The following CSNK1G3 variants were observed in gnomAD, a reference collection of about 807,000 sequenced individuals.
The protein encoded by CSNK1G3 is casein kinase 1 gamma 3.
A neutral mutation model predicts 64.3 loss-of-function variants in CSNK1G3; 23 were observed. The observed-to-expected ratio is 0.36, with a 90% CI of 0.26 to 0.51. The LOEUF is 0.51. Among genes scored for constraint, CSNK1G3 ranks in the 20% least tolerant of loss-of-function variants. The pLI is 0.96. For synonymous variants in CSNK1G3, 158 were observed against 162.2 expected, an observed-to-expected ratio of 0.97 and a Z score of 0.20; for missense variants, 357 against 510.5, an observed-to-expected ratio of 0.70 and a Z score of 2.90.
intron 4 of CSNK1G3, among the ~76,000 whole-genome samples, chr5:123,563,911 T>G (rs758077145): frequency 6.6e-6 from 1 of 152,090 alleles, no homozygotes; most frequent in Non-Finnish European, 1.5e-5. Flanking sequence ...TAGTCAGTAG[T>G]GTAAACTTAA....
At chr5:123,593,221 A>ACACG (rs1427047188) in intron 10 of CSNK1G3, among the ~76,000 whole-genome samples, 1 of 151,606 alleles carries the variant, frequency 6.6e-6, no homozygotes, top group Non-Finnish European at 1.5e-5. Context: ...ACACACACAC[A>ACACG]CACACACATA....
intron 3 of CSNK1G3, among the ~76,000 whole-genome samples, chr5:123,553,382 T>C (rs1376296267): frequency 6.6e-6 from 1 of 152,194 alleles, no homozygotes; most frequent in Non-Finnish European, 1.5e-5. Context: ...TCCCTTTACT[T>C]TGGCAGCATT....
At chr5:123,533,246 C>T (rs1780230542) in intron 1 of CSNK1G3, among the ~76,000 whole-genome samples, 1 of 151,916 alleles carries the variant, frequency 6.6e-6, no homozygotes, top group Admixed American at 6.6e-5. Flanking sequence ...TTCCCATTAA[C>T]AGCTGAGCTT....
At chr5:123,578,374 T>C (rs1388273530) in intron 6 of CSNK1G3, among the ~76,000 whole-genome samples, 1 of 151,944 alleles carries the variant, frequency 6.6e-6, no homozygotes, top group Non-Finnish European at 1.5e-5. Context: ...CAAGGGGTAG[T>C]CTTTTAATTC....
chr5:123,585,104 G>T (rs532263293), intron 6 of CSNK1G3, among the ~76,000 whole-genome samples: 1 of 152,156 alleles, frequency 6.6e-6, no homozygotes, highest in Non-Finnish European at 1.5e-5. Context: ...GGGTGGTATT[G>T]ATATGAAGGC....
exon 13 of CSNK1G3, chr5:123,615,956 A>G (rs1749377453): frequency 6.6e-6 from 1 of 152,116 alleles, no homozygotes; most frequent in Non-Finnish European, 1.5e-5. Flanking sequence ...ATTTAATTGT[A>G]CTTTGTAATT....
At chr5:123,586,593 A>T (rs1159128973) in intron 6 of CSNK1G3, among the ~76,000 whole-genome samples, 1 of 152,202 alleles carries the variant, frequency 6.6e-6, no homozygotes, top group Admixed American at 6.5e-5. Context: ...CATTTTTAGC[A>T]TGCGAAATGG....
At chr5:123,582,070 G>C (rs1360407604) in intron 6 of CSNK1G3, among the ~76,000 whole-genome samples, 1 of 151,950 alleles carries the variant, frequency 6.6e-6, no homozygotes, top group Non-Finnish European at 1.5e-5. Flanking sequence ...AAAACTTCCT[G>C]CTTCTGTGTG....
In CSNK1G3 at chr5:123,543,275, C is replaced by T. The variant is rs191698726; in HGVS notation, c.-247-2142C>T. Among the ~76,000 whole-genome samples the T allele has an allele frequency of 2.6e-5, 4 of 152,148 alleles. No homozygotes were observed. The East Asian group carries it at 5.8e-4, about 22-fold the overall frequency. On this transcript the variant is annotated intron_variant, in intron 1 of 12. Transcript: ENST00000345990. ...GGACAGTCTAGAGTAGGCCTTATGT[C>T]GGGTATGGTCCTTACTTTTAAGAGT...
chr5:123,615,999 T>C (rs903544996), exon 13 of CSNK1G3: 6 of 151,844 alleles, frequency 4.0e-5, no homozygotes, highest in African/African-American at 1.4e-4. Flanking sequence ...TTTAATGCAT[T>C]TTTTTTTGAT....
intron 4 of CSNK1G3, among the ~76,000 whole-genome samples, chr5:123,566,504 G>A (rs529004288): frequency 6.6e-5 from 10 of 152,190 alleles, no homozygotes; most frequent in African/African-American, 1.7e-4. Flanking sequence ...TGAGCCTGTC[G>A]TGCCCTCTTT....
chr5:123,540,757 C>T (rs769526918), intron 1 of CSNK1G3, among the ~76,000 whole-genome samples: 1 of 152,074 alleles, frequency 6.6e-6, no homozygotes, highest in Non-Finnish European at 1.5e-5. Flanking sequence ...CTCAGCCTCC[C>T]GAGCAGCTGG....
intron 1 of CSNK1G3, among the ~76,000 whole-genome samples, chr5:123,536,332 A>G (rs924227085): frequency 6.6e-6 from 1 of 151,964 alleles, no homozygotes; most frequent in Admixed American, 6.6e-5. Context: ...ATATTTGATT[A>G]ATTAAACATA....
chr5:123,561,918 T>C (rs1785809166), intron 4 of CSNK1G3, among the ~76,000 whole-genome samples: 3 of 152,208 alleles, frequency 2.0e-5, no homozygotes, highest in Non-Finnish European at 4.4e-5. Flanking sequence ...ATTTTGTCTC[T>C]TAAAATCTCT....
chr5:123,532,256 A>G (rs761232774), intron 1 of CSNK1G3, among the ~76,000 whole-genome samples: 1 of 151,856 alleles, frequency 6.6e-6, no homozygotes, highest in Non-Finnish European at 1.5e-5. Context: ...AACTCATGGT[A>G]TATTAGTATT....
At chr5:123,611,843 T>G (rs1450600826) in intron 12 of CSNK1G3, among the ~76,000 whole-genome samples, 1 of 152,238 alleles carries the variant, frequency 6.6e-6, no homozygotes, top group African/African-American at 2.4e-5. Flanking sequence ...TAAATACCTA[T>G]TTTTATGTCT....
chr5:123,582,166 T>C (rs7709540), intron 6 of CSNK1G3, among the ~76,000 whole-genome samples: 91,228 of 151,904 alleles, frequency 0.6, 28,551 homozygotes, highest in African/African-American at 0.78. Flanking sequence ...GGAAACAGTG[T>C]TAGGCAAGTG....
At chr5:123,519,940 A>C (rs1197218995) in intron 1 of CSNK1G3, among the ~76,000 whole-genome samples, 1 of 152,262 alleles carries the variant, frequency 6.6e-6, no homozygotes, top group Non-Finnish European at 1.5e-5. Flanking sequence ...AATGTAAATC[A>C]GTCAGCTAAT....
At chr5:123,548,480 G>T (rs1322588193) in intron 2 of CSNK1G3, among the ~76,000 whole-genome samples, 4 of 143,794 alleles carry the variant, frequency 2.8e-5, no homozygotes, top group African/African-American at 7.8e-5. Context: ...AAAAAAAAAG[G>T]CCATGAGATG....
Sources: allele counts gnomAD v4.1 joint callset (sites outside exome capture counted in the v4.1 genomes callset), GRCh38; gene constraint gnomAD v4.1.1; transcripts MANE v1.5; gene names NCBI Gene and HGNC (gene_info 2026-07-23, HGNC 2026-07-21).